The following DLG2 variants were observed in gnomAD, a reference collection of about 807,000 sequenced individuals.
The protein encoded by DLG2 is disks large homolog 2.
In DLG2, 45 loss-of-function variants were observed where a neutral mutation model predicts 132.5. The ratio of observed to expected loss-of-function variants is 0.34; its 90% confidence interval spans 0.27 to 0.44. The LOEUF is 0.44. Ranked by LOEUF, DLG2 falls within the 20% of genes least tolerant of loss-of-function variation. The probability of loss-of-function intolerance (pLI) is 1.00; values close to 1 mark genes in which losing one functional copy is unlikely to be tolerated. For missense variants in DLG2, 1,045 were observed against 1,196.9 expected, an observed-to-expected ratio of 0.87 and a Z score of 1.87; for synonymous variants, 424 against 419.6, an observed-to-expected ratio of 1.01 and a Z score of -0.13.
At chr11:83,993,649 T>C (rs971514183) in intron 11 of DLG2, among the ~76,000 whole-genome samples, 1 of 152,180 alleles carries the variant, frequency 6.6e-6, no homozygotes, top group African/African-American at 2.4e-5. Context: ...TTCATTACAC[T>C]TGAAATGGAA....
rs181939068 is a variant in DLG2, at chr11:84,202,432, T to C, written c.574-38921A>G. On this transcript the variant is annotated intron_variant, in intron 8 of 27. Transcript: ENST00000376104. ...CTAGCCATATGCAGAAAACTGAAAC[T>C]GGACCCCTTCCTTAAACCTTATACA... Among the ~76,000 whole-genome samples the C allele has an allele frequency of 2.0e-4, 30 of 152,316 alleles. No homozygotes were observed. In the East Asian group the frequency reaches 5.4e-3, roughly 27 times the overall value.
intron 10 of DLG2, among the ~76,000 whole-genome samples, chr11:84,083,346 G>T (rs1244635219): frequency 1.3e-5 from 2 of 152,122 alleles, no homozygotes; most frequent in African/African-American, 4.8e-5. Flanking sequence ...TTAAGACAAA[G>T]GAAAGATTGC....
At chr11:83,821,940 C>T (rs1018601005) in intron 17 of DLG2, among the ~76,000 whole-genome samples, 5 of 152,152 alleles carry the variant, frequency 3.3e-5, no homozygotes, top group Admixed American at 1.3e-4. Context: ...GGAGATAACT[C>T]TTCTCCTTGT....
chr11:84,579,988 A>T (rs1317156920), intron 6 of DLG2, among the ~76,000 whole-genome samples: 1 of 152,172 alleles, frequency 6.6e-6, no homozygotes, highest in African/African-American at 2.4e-5. Context: ...CATGAAAGTG[A>T]GTATAAGGGA....
intron 7 of DLG2, among the ~76,000 whole-genome samples, chr11:84,476,579 T>C (rs542928172): frequency 6.6e-6 from 1 of 152,184 alleles, no homozygotes; most frequent in Non-Finnish European, 1.5e-5. Context: ...CAAATGTTAA[T>C]TGTTCAAGAA....
chr11:83,913,425 G>A (rs1353339622), intron 15 of DLG2, among the ~76,000 whole-genome samples: 1 of 152,010 alleles, frequency 6.6e-6, no homozygotes, highest in Non-Finnish European at 1.5e-5. Context: ...GCTGGCACTA[G>A]GGATAGAGGA....
intron 3 of DLG2, among the ~76,000 whole-genome samples, chr11:85,481,635 T>G (rs765924423): frequency 3.3e-5 from 5 of 151,984 alleles, no homozygotes; most frequent in Admixed American, 2.0e-4. Flanking sequence ...CAGGTCTGTA[T>G]AGCAAATTAA....
intron 7 of DLG2, among the ~76,000 whole-genome samples, chr11:84,450,851 A>G (rs76467895): frequency 0.016 from 2,403 of 151,698 alleles, 71 homozygotes; most frequent in African/African-American, 0.055. Flanking sequence ...TCCGTGCCTA[A>G]CAACATGCCT....
intron 3 of DLG2, among the ~76,000 whole-genome samples, chr11:85,386,480 T>G (rs756012471): frequency 1.3e-4 from 20 of 152,306 alleles, no homozygotes; most frequent in Non-Finnish European, 2.5e-4. Flanking sequence ...TTCTGTGTTG[T>G]TCTTTTTTCA....
At chr11:83,858,305 T>C (rs184989783) in intron 16 of DLG2, among the ~76,000 whole-genome samples, 46 of 152,318 alleles carry the variant, frequency 3.0e-4, no homozygotes, top group African/African-American at 1.1e-3. Context: ...AAAGGTGCTT[T>C]CTTGCATTTC....
intron 9 of DLG2, among the ~76,000 whole-genome samples, chr11:84,103,689 A>G (rs2092702088): frequency 6.6e-6 from 1 of 152,124 alleles, no homozygotes; most frequent in Admixed American, 6.6e-5. Context: ...ACTGCACACC[A>G]TCTCCTCTCA....
At chr11:85,001,340 T>C (rs1052623529) in intron 6 of DLG2, among the ~76,000 whole-genome samples, 7 of 152,100 alleles carry the variant, frequency 4.6e-5, no homozygotes, top group Admixed American at 1.3e-4. Flanking sequence ...AAAGAACTTT[T>C]AAGAGCTTGA....
intron 6 of DLG2, among the ~76,000 whole-genome samples, chr11:85,040,031 T>C (rs1485493018): frequency 6.6e-6 from 1 of 151,888 alleles, no homozygotes; most frequent in Non-Finnish European, 1.5e-5. Context: ...CCGGATTCCA[T>C]AGCAAAATCG....
At chr11:84,837,617 T>C (rs2079996499) in intron 6 of DLG2, among the ~76,000 whole-genome samples, 1 of 151,824 alleles carries the variant, frequency 6.6e-6, no homozygotes, top group Non-Finnish European at 1.5e-5. Context: ...TTTATGATTT[T>C]ATGAATCATC....
intron 7 of DLG2, among the ~76,000 whole-genome samples, chr11:84,349,217 T>C (rs1255375773): frequency 2.0e-5 from 3 of 152,162 alleles, no homozygotes; most frequent in African/African-American, 7.2e-5. Flanking sequence ...TTTCATCTTA[T>C]TAGTAAAGCC....
intron 3 of DLG2, among the ~76,000 whole-genome samples, chr11:85,474,630 C>T (rs1044019195): frequency 6.6e-6 from 1 of 151,898 alleles, no homozygotes; most frequent in African/African-American, 2.4e-5. Flanking sequence ...TCAGGAGCAA[C>T]TGTATCCAAT....
At chr11:83,593,662 T>TA (rs566349149) in intron 19 of DLG2, among the ~76,000 whole-genome samples, 7,025 of 140,984 alleles carry the variant, frequency 0.05, 485 homozygotes, top group African/African-American at 0.16. Context: ...AGAAATATAT[T>TA]AAAAAAAAAA....
intron 9 of DLG2, among the ~76,000 whole-genome samples, chr11:84,133,804 A>G (rs2094507202): frequency 6.6e-6 from 1 of 151,986 alleles, no homozygotes. Flanking sequence ...TTTTGTTCAA[A>G]TATTTCATAT....
intron 6 of DLG2, among the ~76,000 whole-genome samples, chr11:84,838,817 A>C (rs2080183823): frequency 6.6e-6 from 1 of 152,074 alleles, no homozygotes; most frequent in Non-Finnish European, 1.5e-5. Context: ...AACTCTCAAT[A>C]AATTAGGTAT....
Sources: allele counts gnomAD v4.1 joint callset (sites outside exome capture counted in the v4.1 genomes callset), GRCh38; gene constraint gnomAD v4.1.1; transcripts MANE v1.5; gene names NCBI Gene and HGNC (gene_info 2026-07-23, HGNC 2026-07-21).